PCDHGB2: variants seen among roughly 807,000 people sequenced by gnomAD.
PCDHGB2 encodes the protein protocadherin gamma-B2.
A neutral mutation model predicts 59.3 loss-of-function variants in PCDHGB2; 55 were observed. That is an observed-to-expected ratio of 0.93 (90% CI 0.75 to 1.16). The LOEUF is 1.16. Among genes scored for constraint, PCDHGB2 ranks in the 50% most tolerant of loss-of-function variants. The pLI, the probability that PCDHGB2 is intolerant of heterozygous loss-of-function variation, is 0.00. For synonymous variants in PCDHGB2, 516 were observed against 512.0 expected (o/e 1.01, Z -0.11); for missense variants, 1,228 against 1,198.5 (o/e 1.02, Z -0.36).
At position 141,476,097 on chromosome 5, in the gene PCDHGB2, A is replaced by G. The variant is rs1366023758; in HGVS notation, c.2422-18710A>G. 1 of 1,571,812 alleles carries G rather than the reference A, an allele frequency of 6.4e-7. No individual in the cohort carries two copies. Among genetic ancestry groups the G allele is most frequent in the African/African-American group, 1.4e-5 (1 of 73,826 alleles). ...CAGGGACGATCTGGACCCCGCTGAG[A>G]GGAACTGCTTTTGAGTGAGATGGTC... On this transcript the variant is annotated intron_variant, in intron 1 of 3. Coordinates refer to ENST00000522605, the MANE Select transcript of PCDHGB2 (RefSeq NM_018923.3). The surrounding 1 kb of genome is among the most constrained non-coding windows in gnomAD (Gnocchi z 7.6).
At chr5:141,394,140 G>T (rs2092926485) in intron 1 of PCDHGB2, 1 of 1,613,868 alleles carries the variant, frequency 6.2e-7, no homozygotes, top group Non-Finnish European at 8.5e-7. Flanking sequence ...TCTGCACGTG[G>T]CAGACATTAA....
At chr5:141,430,285 T>C (rs1456678142) in intron 1 of PCDHGB2, among the ~76,000 whole-genome samples, 18 of 151,710 alleles carry the variant, frequency 1.2e-4, no homozygotes, top group Admixed American at 1.2e-3. Flanking sequence ...GGAACAGTAA[T>C]CTCAAAGCAG....
At chr5:141,410,235 G>A (rs753193390) in intron 1 of PCDHGB2, 2 of 1,613,970 alleles carry the variant, frequency 1.2e-6, no homozygotes, top group South Asian at 1.1e-5. Context: ...CTCAGCGACC[G>A]CCCTGTACTC....
rs752011641 is a variant in PCDHGB2 at position 141,490,299 on chromosome 5, C to T, written c.2422-4508C>T. 1.2e-6 allele frequency: 2 copies of T among 1,614,068 alleles called. No homozygotes were observed. Among genetic ancestry groups the T allele is most frequent in the East Asian group, 2.2e-5 (1 of 44,896 alleles). Reference sequence around the variant, plus strand: ...ACAATGCCCCAGAGGTGCTATTGGCCTCTTTGGCCAACCCTGTCCTAGAGA... The same window carrying T: ...ACAATGCCCCAGAGGTGCTATTGGCTTCTTTGGCCAACCCTGTCCTAGAGA... On this transcript the variant is annotated intron_variant, in intron 1 of 3. Coordinates refer to ENST00000522605, the MANE Select transcript of PCDHGB2 (RefSeq NM_018923.3). The surrounding 1 kb of genome is among the most constrained non-coding windows in gnomAD (Gnocchi z 5.4).
chr5:141,374,348 A>G (rs756876853), intron 1 of PCDHGB2: 4 of 1,614,028 alleles, frequency 2.5e-6, no homozygotes, highest in Middle Eastern at 1.6e-4. Context: ...CACCGCGGGT[A>G]GGATAGACCG....
chr5:141,412,396 A>G (rs2095553141), intron 1 of PCDHGB2: 1 of 152,216 alleles, frequency 6.6e-6, no homozygotes, highest in Non-Finnish European at 1.5e-5. Flanking sequence ...TTTAACTTGT[A>G]TCCCTGTAAG....
In PCDHGB2 at chr5:141,370,921, C is replaced by T. The variant is rs1767318937; in HGVS notation, c.2421+8365C>T. Reference sequence around the variant, plus strand: ...CAGCAGTACTACCTCAGCCCTGATCCGCACTTCTCTTTGATTCAGAAGGAG... The same window carrying T: ...CAGCAGTACTACCTCAGCCCTGATCTGCACTTCTCTTTGATTCAGAAGGAG... On this transcript the variant is annotated intron_variant, in intron 1 of 3. Coordinates refer to ENST00000522605, the MANE Select transcript of PCDHGB2 (RefSeq NM_018923.3). 2 of 1,613,978 alleles carry T rather than the reference C, an allele frequency of 1.2e-6. No homozygotes were observed. Among genetic ancestry groups the T allele is most frequent in the Admixed American group, 1.7e-5 (1 of 60,006 alleles).
chr5:141,431,725 G>A lies in PCDHGB2; in HGVS notation c.2422-63082G>A. The A allele has an allele frequency of 6.2e-7, 1 of 1,614,230 alleles. No individual in the cohort carries two copies. Among genetic ancestry groups the A allele is most frequent in the Non-Finnish European group, 8.5e-7 (1 of 1,180,044 alleles). On this transcript the variant is annotated intron_variant, in intron 1 of 3. Coordinates refer to ENST00000522605, the MANE Select transcript of PCDHGB2 (RefSeq NM_018923.3). The surrounding 1 kb of genome is among the most constrained non-coding windows in gnomAD (Gnocchi z 4.8). Reference sequence around the variant, plus strand: ...TCTACCAGATGGAAGTGCAAGCAATGGATAATGCAGGATATTCTGCGCGAG... The same window carrying A: ...TCTACCAGATGGAAGTGCAAGCAATAGATAATGCAGGATATTCTGCGCGAG...
At chr5:141,383,733 A>T (rs770047743) in intron 1 of PCDHGB2, 2 of 1,613,886 alleles carry the variant, frequency 1.2e-6, no homozygotes, top group African/African-American at 2.7e-5. Context: ...GGGAAGTGAC[A>T]TATTCTTTTC....
chr5:141,421,997 G>A, intron 1 of PCDHGB2: 1 of 1,609,178 alleles, frequency 6.2e-7, no homozygotes. Flanking sequence ...GAAAACATCA[G>A]CTCCGGAACT....
intron 1 of PCDHGB2, chr5:141,394,651 A>G: frequency 6.2e-7 from 1 of 1,611,802 alleles, no homozygotes; most frequent in Admixed American, 1.7e-5. Flanking sequence ...AAGGCCAGCG[A>G]GCCGGGACTC....
intron 1 of PCDHGB2, chr5:141,385,433 G>A (rs2024141): frequency 0.085 from 123,181 of 1,452,862 alleles, 5,787 homozygotes; most frequent in East Asian, 0.14. Context: ...ACTTTATAGA[G>A]GTAAAAATGA....
intron 1 of PCDHGB2, among the ~76,000 whole-genome samples, chr5:141,448,869 T>C (rs1375609555): frequency 6.6e-6 from 1 of 151,930 alleles, no homozygotes; most frequent in Non-Finnish European, 1.5e-5. Flanking sequence ...GGCGTGAACC[T>C]GGGAGGCGGA....
intron 1 of PCDHGB2, among the ~76,000 whole-genome samples, chr5:141,469,731 C>A (rs1332201791): frequency 6.6e-6 from 1 of 152,214 alleles, no homozygotes; most frequent in Non-Finnish European, 1.5e-5. Context: ...ATCATAAATA[C>A]ACACCTCAAA....
At chr5:141,403,120 C>G (rs2094357495) in intron 1 of PCDHGB2, 3 of 1,614,050 alleles carry the variant, frequency 1.9e-6, no homozygotes, top group South Asian at 2.2e-5. Context: ...CTCTGGAGCC[C>G]CGGGAGCTGG....
chr5:141,427,787 C>T, intron 1 of PCDHGB2: 1 of 1,478,068 alleles, frequency 6.8e-7, no homozygotes, highest in Non-Finnish European at 9.4e-7. Flanking sequence ...CACTGTCGTC[C>T]TACGTGTCCG....
intron 1 of PCDHGB2, chr5:141,364,951 T>G: frequency 6.2e-7 from 1 of 1,613,774 alleles, no homozygotes; most frequent in East Asian, 2.2e-5. Context: ...AAGAGACTGT[T>G]CACGACCTCC....
intron 1 of PCDHGB2, chr5:141,403,279 G>C (rs779882720): frequency 6.2e-7 from 1 of 1,613,900 alleles, no homozygotes. Flanking sequence ...TTAAAGTCCT[G>C]GTTGAAGACA....
At chr5:141,370,553 C>T in intron 1 of PCDHGB2, 1 of 1,613,810 alleles carries the variant, frequency 6.2e-7, no homozygotes, top group African/African-American at 1.3e-5. Flanking sequence ...TCGCCAAGGA[C>T]CTGGGGTTTG....
Sources: gnomAD v4.1 joint callset for allele counts (sites outside exome capture counted in the v4.1 genomes callset) on GRCh38, gnomAD v4.1.1 for gene constraint, Gnocchi (gnomAD v3.1) non-coding constraint, MANE v1.5 for transcripts, NCBI Gene and HGNC (gene_info 2026-07-23, HGNC 2026-07-21) for gene names.